PDE9A: variants seen among roughly 807,000 people sequenced by gnomAD.
PDE9A encodes phosphodiesterase 9A, also known as high affinity cGMP-specific 3',5'-cyclic phosphodiesterase 9A.
In PDE9A, 60 loss-of-function variants were observed where a neutral mutation model predicts 87.4. That is an observed-to-expected ratio of 0.69 (90% CI 0.56 to 0.85). PDE9A has a LOEUF of 0.85. PDE9A is among the 40% of genes least tolerant of loss of function. The pLI is 0.00. For missense variants in PDE9A, 665 were observed against 779.0 expected (o/e 0.85, Z 1.74); for synonymous variants, 272 against 279.4 (o/e 0.97, Z 0.27).
chr21:42,759,009 G>T lies in PDE9A; in HGVS notation c.821G>T (p.Cys274Phe). ...WLWEPNEMLSCLEHMYHDLGL... is the reference protein window; with the variant it reads ...WLWEPNEMLSFLEHMYHDLGL... ...CTCCTGTGCCCACAGATGCTGAGCT[G>T]CCTGGAGCACATGTACCACGACCTC... is the stretch of plus-strand genomic sequence containing the variant. The change falls in exon 11 of 20, where the codon TGC becomes TTC. Residue 274 changes from cysteine (C) to phenylalanine (F), a missense_variant. Transcript: ENST00000291539. This position sits in a 1 kb window ranked among gnomAD's most constrained non-coding sequence, Gnocchi z 7.2. The T allele has an allele frequency of 6.2e-7, 1 of 1,613,618 alleles. No homozygotes were observed. Among genetic ancestry groups the T allele is most frequent in the South Asian group, 1.1e-5 (1 of 91,070 alleles).
At chr21:42,662,921 C>T (rs1290488276) in intron 1 of PDE9A, among the ~76,000 whole-genome samples, 2 of 148,170 alleles carry the variant, frequency 1.3e-5, no homozygotes, top group African/African-American at 2.5e-5. Context: ...TGCACATGCA[C>T]ATCACACACA....
chr21:42,689,893 T>A (rs62215400), intron 3 of PDE9A: 41,721 of 772,220 alleles, frequency 0.054, 2,179 homozygotes, highest in Admixed American at 0.14. Context: ...ACACACGCAG[T>A]TGAGGATACA....
chr21:42,725,105 G>A (rs2050899299), intron 4 of PDE9A, among the ~76,000 whole-genome samples: 1 of 152,186 alleles, frequency 6.6e-6, no homozygotes, highest in African/African-American at 2.4e-5. Flanking sequence ...CCGTGACACG[G>A]TCCAGATCCG....
intron 16 of PDE9A, chr21:42,768,812 A>C (rs765671312): frequency 1.2e-5 from 12 of 985,296 alleles, no homozygotes; most frequent in African/African-American, 1.7e-5. Context: ...ACCTCTGCCT[A>C]TCTCTCAGGT....
intron 4 of PDE9A, among the ~76,000 whole-genome samples, chr21:42,715,759 T>C (rs11203211): frequency 0.048 from 6,430 of 133,380 alleles, 30 homozygotes; most frequent in East Asian, 0.16. Context: ...AAATATATGA[T>C]GACCTGTGTG....
chr21:42,733,692 T>C, intron 7 of PDE9A: 1 of 485,396 alleles, frequency 2.1e-6, no homozygotes, highest in South Asian at 2.8e-5. Flanking sequence ...CACGAAGCCT[T>C]CCGCACTTAG....
intron 4 of PDE9A, among the ~76,000 whole-genome samples, chr21:42,726,592 C>CTATATATATATATATATATATA (rs2051062252): frequency 1.2e-4 from 9 of 74,222 alleles, no homozygotes; most frequent in African/African-American, 5.7e-4. Context: ...CCACGCCTGG[C>CTATATATATATATATATATATA]CATATATATA....
At position 42,675,418 on chromosome 21, in the gene PDE9A, GAGATT is replaced by G. The variant is rs1480567863; in HGVS notation, c.70-10764_70-10760del. Among the ~76,000 whole-genome samples, 1 of 152,218 alleles carries G rather than the reference GAGATT, an allele frequency of 6.6e-6. No homozygotes were observed. Among genetic ancestry groups the G allele is most frequent in the African/African-American group, 2.4e-5 (1 of 41,454 alleles). Reference sequence around the variant, plus strand: ...GGGGTATAAATCCGGGGGTGCAGTGGAGATTAGATTAGATCGTCCGTGGAAAGCAC... The same window carrying G: ...GGGGTATAAATCCGGGGGTGCAGTGGAGATTAGATCGTCCGTGGAAAGCAC... On this transcript the variant is annotated intron_variant, in intron 1 of 19. Coordinates refer to ENST00000291539, the MANE Select transcript of PDE9A (RefSeq NM_002606.3). This position sits in a 1 kb window ranked among gnomAD's most constrained non-coding sequence, Gnocchi z 4.3.
In PDE9A at chr21:42,697,000, C is replaced by T. The variant is rs1038447160; in HGVS notation, c.219-1968C>T. Among the ~76,000 whole-genome samples, 1 of 152,190 alleles carries T rather than the reference C, an allele frequency of 6.6e-6. No individual in the cohort carries two copies. The highest frequency in any genetic ancestry group is 6.5e-5 in the Admixed American group (1 of 15,284). On this transcript the variant is annotated intron_variant, in intron 3 of 19. Coordinates refer to ENST00000291539, the MANE Select transcript of PDE9A (RefSeq NM_002606.3). The surrounding 1 kb of genome is among the most constrained non-coding windows in gnomAD (Gnocchi z 5.1). ...AGCCCTCCAGTGCCAAATGACCCAC[C>T]ACTAAAAGGCCTTTTGAGGCAGGGC...
Position 42,737,817 on chromosome 21 carries a change from C to A in PDE9A, c.568+4391C>A, listed in dbSNP as rs542344787. ...TCCACTAGAACTGGCCACCTTAAGG[C>A]CATATTATATTGTGGTGGACTTGTC... is the stretch of plus-strand genomic sequence containing the variant. On this transcript the variant is annotated intron_variant, in intron 7 of 19. Transcript: ENST00000291539. Among the ~76,000 whole-genome samples, 4 of 152,308 alleles carry A rather than the reference C, an allele frequency of 2.6e-5. No homozygotes were observed. In the East Asian group the frequency reaches 7.7e-4, roughly 29 times the overall value.
At chr21:42,684,880 G>A (rs2059361811) in intron 1 of PDE9A, among the ~76,000 whole-genome samples, 1 of 150,810 alleles carries the variant, frequency 6.6e-6, no homozygotes, top group African/African-American at 2.5e-5. Context: ...ATTGTTGCCA[G>A]TTCAGCAGCC....
At chr21:42,769,745 TGCAC>T (rs1350851581) in intron 17 of PDE9A, among the ~76,000 whole-genome samples, 1 of 63,190 alleles carries the variant, frequency 1.6e-5, no homozygotes, top group Non-Finnish European at 2.9e-5. Context: ...GGCACACACA[TGCAC>T]ACACAGGTAT....
At chr21:42,772,364 G>T in intron 18 of PDE9A, 75 bp from the exon 19 acceptor site, 1 of 967,130 alleles carries the variant, frequency 1.0e-6, no homozygotes, top group East Asian at 2.5e-5. Context: ...GGCAACAGAA[G>T]CTGCTGGGAG....
At chr21:42,762,304 C>A in intron 14 of PDE9A, 65 bp downstream of exon 14, 2 of 1,528,130 alleles carry the variant, frequency 1.3e-6, no homozygotes, top group South Asian at 1.2e-5. Flanking sequence ...AGCCCCCACT[C>A]TCCATTGGCT....
intron 4 of PDE9A, among the ~76,000 whole-genome samples, chr21:42,726,869 G>A (rs1191128185): frequency 2.0e-5 from 3 of 150,750 alleles, no homozygotes; most frequent in Non-Finnish European, 4.4e-5. Flanking sequence ...TATTTGTATG[G>A]ACATGGTCAT....
chr21:42,721,450 T>TA (rs1456161344), intron 4 of PDE9A, among the ~76,000 whole-genome samples: 36 of 152,320 alleles, frequency 2.4e-4, no homozygotes, highest in African/African-American at 8.7e-4. Context: ...CTGATAGACT[T>TA]ATGCAATCCC....
At chr21:42,711,614 T>C (rs902826508) in intron 4 of PDE9A, among the ~76,000 whole-genome samples, 1 of 152,120 alleles carries the variant, frequency 6.6e-6, no homozygotes, top group Non-Finnish European at 1.5e-5. Flanking sequence ...GTCATGGAGA[T>C]ACATTTTAGA....
chr21:42,682,969 A>T (rs1253290388), intron 1 of PDE9A, among the ~76,000 whole-genome samples: 2 of 152,238 alleles, frequency 1.3e-5, no homozygotes, highest in Non-Finnish European at 2.9e-5. Flanking sequence ...AGGAGAGCAG[A>T]TGGTGAAAAT....
intron 10 of PDE9A, among the ~76,000 whole-genome samples, chr21:42,756,479 G>A (rs2055056796): frequency 6.6e-6 from 1 of 152,226 alleles, no homozygotes; most frequent in Non-Finnish European, 1.5e-5. Context: ...TTGGCCCAGT[G>A]TCCTGCCCAT....
Sources: gnomAD v4.1 joint callset for allele counts (sites outside exome capture counted in the v4.1 genomes callset) on GRCh38, gnomAD v4.1.1 for gene constraint, Gnocchi (gnomAD v3.1) non-coding constraint, MANE v1.5 for transcripts, NCBI Gene and HGNC (gene_info 2026-07-23, HGNC 2026-07-21) for gene names.